SSC5D: variants seen among roughly 807,000 people sequenced by gnomAD.
SSC5D encodes the protein soluble scavenger receptor cysteine-rich domain-containing protein SSC5D.
Under a neutral mutation model 104.6 loss-of-function variants are expected in SSC5D, and 106 were observed. That is an observed-to-expected ratio of 1.01 (90% confidence interval 0.87 to 1.19). The LOEUF (loss-of-function observed/expected upper bound fraction) is 1.19. Ranked by LOEUF, SSC5D falls within the 50% of genes most tolerant of loss-of-function variation. SSC5D has a pLI of 0.00. For synonymous variants in SSC5D, 860 were observed against 883.5 expected (o/e 0.97, Z 0.47); for missense variants, 1,993 against 2,153.8 (o/e 0.93, Z 1.48).
At chr19:55,513,367 T>C (rs969735176) in intron 13 of SSC5D, among the ~76,000 whole-genome samples, 195 bp downstream of exon 13, 1 of 152,084 alleles carries the variant, frequency 6.6e-6, no homozygotes, top group Non-Finnish European at 1.5e-5. Flanking sequence ...GTTGGGAGGA[T>C]TGCTTAAGCT....
At position 55,517,428 on chromosome 19, in the gene SSC5D, C is replaced by A. The variant is rs1223390861; in HGVS notation, c.3152C>A (p.Thr1051Asn). ...TSDAPDTSPP[T>N]PDPASRTNPD... Reference sequence around the variant, plus strand: ...GACGCTCCGGACACTTCACCACCCACCCCAGACCCGGCCTCCCGGACGAAC... The same window carrying A: ...GACGCTCCGGACACTTCACCACCCAACCCAGACCCGGCCTCCCGGACGAAC... Residue 1051 changes from threonine to asparagine, a missense_variant, in exon 14 of 14, where the codon ACC becomes AAC. Thr to Asn is a moderately conservative substitution (Grantham distance 65). Around this residue, in one of 6 missense-constraint regions of SSC5D, gnomAD observed 423 missense variants for 409.2 expected, o/e 1.03. Transcript: ENST00000389623. 4.5e-6 allele frequency: 7 copies of A among 1,551,042 alleles called. No individual in the cohort carries two copies. The highest frequency in any genetic ancestry group is 5.2e-6 in the Non-Finnish European group (6 of 1,146,968).
intron 7 of SSC5D, 73 bp from the exon 8 acceptor site, chr19:55,494,537 G>A (rs1987255161): frequency 5.6e-6 from 8 of 1,417,360 alleles, no homozygotes; most frequent in Admixed American, 5.3e-5. Flanking sequence ...GAAGGATGAC[G>A]CAGGAGGTGG....
At chr19:55,506,456 G>A (rs1484282731) in intron 12 of SSC5D, among the ~76,000 whole-genome samples, 2 of 122,274 alleles carry the variant, frequency 1.6e-5, no homozygotes, top group Middle Eastern at 8.6e-3. Context: ...GTGCAGTGGC[G>A]TGATCTTGTC....
chr19:55,489,531 AG>A lies in SSC5D; in HGVS notation c.235del (p.Ala79GlnfsTer69). On this transcript the variant is annotated frameshift_variant, in exon 3 of 14. Coordinates refer to ENST00000389623, the MANE Select transcript of SSC5D (RefSeq NM_001144950.2). LOFTEE classifies it high-confidence loss of function. ...GCCCCGGGAGGCGCCTTCTTCGGGG[AG>A]GGGGCAGGGCCTGTGTGGCTCAGCG... ...LAAPGGAFFG[E>X]GAGPVWLSEL... The A allele has an allele frequency of 6.8e-7, 1 of 1,468,324 alleles. No homozygotes were observed. The highest frequency in any genetic ancestry group is 9.0e-7 in the Non-Finnish European group (1 of 1,117,264). 91.0% of individuals were successfully genotyped at this position (1,468,324 alleles called of 1,614,324 possible).
In SSC5D at chr19:55,489,369, C is replaced by T. The variant is rs1987059613; in HGVS notation, c.68C>T (p.Ala23Val). ...CAACCCTCAGAGCGCCTGCGCCTGG[C>T]CGATGGCCCCCATGGGTGCGCTGGC... ...GIQAVERLRL[A>V]DGPHGCAGRL... The change falls in exon 3 of 14, where the codon GCC becomes GTC. Residue 23 changes from alanine to valine, a missense_variant. Physicochemically the swap from Ala to Val is moderately conservative, Grantham distance 64. Coordinates refer to ENST00000389623, the MANE Select transcript of SSC5D (RefSeq NM_001144950.2). The T allele has an allele frequency of 2.1e-6, 3 of 1,461,674 alleles. No individual in the cohort carries two copies. Among genetic ancestry groups the T allele is most frequent in the Non-Finnish European group, 2.7e-6 (3 of 1,115,702 alleles). The allele number at this position is 1,461,674 out of a possible 1,614,324, so 90.5% of individuals were successfully genotyped here.
At chr19:55,512,199 C>A (rs1275120041) in intron 12 of SSC5D, among the ~76,000 whole-genome samples, 1 of 129,068 alleles carries the variant, frequency 7.7e-6, no homozygotes, top group East Asian at 2.2e-4. Flanking sequence ...GACTTGGTCT[C>A]AAAAAAAAAA....
intron 12 of SSC5D, among the ~76,000 whole-genome samples, chr19:55,502,667 C>G (rs541346181): frequency 6.6e-6 from 1 of 152,132 alleles, no homozygotes; most frequent in South Asian, 2.1e-4. Context: ...TTCTCTCTCT[C>G]TTTTTTGAGA....
Position 55,497,719 on chromosome 19 carries a change from G to T in SSC5D, c.1388-161G>T, listed in dbSNP as rs528605448. Among the ~76,000 whole-genome samples the T allele has an allele frequency of 4.6e-5, 7 of 152,276 alleles. No homozygotes were observed. The South Asian group carries it at 1.5e-3, about 32-fold the overall frequency. ...TAATGCAGAAAATGGCACAAAAAAG[G>T]CCTCATGAAATACTTGCTGCCTGGA... On this transcript the variant is annotated intron_variant, in intron 8 of 13. Coordinates refer to ENST00000389623, the MANE Select transcript of SSC5D (RefSeq NM_001144950.2).
chr19:55,501,296 G>A, intron 12 of SSC5D, 95 bp downstream of exon 12: 1 of 1,403,616 alleles, frequency 7.1e-7, no homozygotes. Context: ...CAATGAGCTG[G>A]CTGAGGCCTC....
chr19:55,517,767 T>C lies in SSC5D; in HGVS notation c.3491T>C (p.Ile1164Thr), dbSNP rs775364796. ...TPDPTMAPDP[I>T]TTLNPTVTPH... ...GATCCCACCATGGCCCCTGACCCCATCACAACCCTTAACCCTACTGTGACC... is the reference window on the plus strand; with the variant it reads ...GATCCCACCATGGCCCCTGACCCCACCACAACCCTTAACCCTACTGTGACC... The change falls in exon 14 of 14, where the codon ATC (isoleucine) becomes ACC (threonine). Residue 1164 changes from isoleucine (I) to threonine (T), a missense_variant. Transcript: ENST00000389623. 166 of 702,968 alleles carry C rather than the reference T, an allele frequency of 2.4e-4. 1 individual carries two copies. Among genetic ancestry groups the C allele is most frequent in the African/African-American group, 3.0e-5 (1 of 33,266 alleles). 43.5% of individuals were successfully genotyped at this position (702,968 alleles called of 1,614,324 possible). A position where few individuals can be genotyped will look rare whatever the true frequency, so the allele number is the denominator to read the frequency against.
chr19:55,510,741 GTGTTTT>G (rs1987739960), intron 12 of SSC5D, among the ~76,000 whole-genome samples: 1 of 151,954 alleles, frequency 6.6e-6, no homozygotes, highest in Non-Finnish European at 1.5e-5. Flanking sequence ...ACTAATGGTG[GTGTTTT>G]TGTTTTTGTT....
chr19:55,517,595 G>T lies in SSC5D; in HGVS notation c.3319G>T (p.Glu1107Ter). ...ELTSDPSTPS[E>*]VTSLSPTSEQ... Reference sequence around the variant, plus strand: ...GACCTCTGACCCTTCTACACCGTCGGAGGTGACCAGCCTTTCCCCTACCTC... The same window carrying T: ...GACCTCTGACCCTTCTACACCGTCGTAGGTGACCAGCCTTTCCCCTACCTC... Residue 1107 changes from glutamate to a stop codon, truncating the protein, a stop_gained, in exon 14 of 14, where the codon GAG becomes TAG. Transcript: ENST00000389623. LOFTEE classifies it low-confidence loss of function (END_TRUNC). The T allele has an allele frequency of 1.3e-6, 2 of 1,551,510 alleles. No individual in the cohort carries two copies. The highest frequency in any genetic ancestry group is 1.7e-6 in the Non-Finnish European group (2 of 1,147,014).
At chr19:55,514,420 A>C (rs1987823227) in intron 13 of SSC5D, among the ~76,000 whole-genome samples, 1 of 65,750 alleles carries the variant, frequency 1.5e-5, no homozygotes, top group East Asian at 7.7e-4. Flanking sequence ...AATAATAATA[A>C]TAATAATAAT....
intron 7 of SSC5D, 82 bp downstream of exon 7, chr19:55,493,994 G>GCCCCCCCCCCCCCC: frequency 1.4e-5 from 2 of 143,312 alleles, no homozygotes. Context: ...GGGCGGGGGG[G>GCCCCCCCCCCCCCC]TCCCTACGCG....
At position 55,508,354 on chromosome 19, in the gene SSC5D, G is replaced by A. The variant is rs1230642275; in HGVS notation, c.2786-4657G>A. On this transcript the variant is annotated intron_variant, in intron 12 of 13. Coordinates refer to ENST00000389623, the MANE Select transcript of SSC5D (RefSeq NM_001144950.2). Reference sequence around the variant, plus strand: ...AAATATGAGATTAACTTTAGAGGTTGGATGATGATGAGGATAATGGTAGCT... The same window carrying A: ...AAATATGAGATTAACTTTAGAGGTTAGATGATGATGAGGATAATGGTAGCT... 6.6e-5 allele frequency among the ~76,000 whole-genome samples: 10 copies of A among 152,280 alleles called. 1 individual carries two copies. The East Asian group carries it at 1.9e-3, about 29-fold the overall frequency.
At position 55,494,704 on chromosome 19, in the gene SSC5D, G is replaced by C; in HGVS notation, c.1308G>C (p.Thr436=). The part of the protein sequence containing the change: ...EAASRPPSTM[T]SQAPGTAGVS... ...CCTCCAGGCCCCCGTCCACCATGAC[G>C]AGCCAGGCTCCAGGGACGGCAGGCG... is the stretch of plus-strand genomic sequence containing the variant. Residue 436 remains threonine, a synonymous_variant, in exon 8 of 14, where the codon ACG becomes ACC. Coordinates refer to ENST00000389623, the MANE Select transcript of SSC5D (RefSeq NM_001144950.2). The C allele has an allele frequency of 6.4e-7, 1 of 1,550,532 alleles. No individual in the cohort carries two copies. Among genetic ancestry groups the C allele is most frequent in the South Asian group, 1.2e-5 (1 of 84,032 alleles).
chr19:55,515,731 C>A (rs1302474050), intron 13 of SSC5D, among the ~76,000 whole-genome samples: 22 of 142,578 alleles, frequency 1.5e-4, no homozygotes, highest in African/African-American at 2.7e-4. Flanking sequence ...GACTCCGTCT[C>A]AAAAAAAAAA....
chr19:55,490,637 C>T (rs909108161), intron 5 of SSC5D, 135 bp from the exon 6 acceptor site: 11 of 1,073,526 alleles, frequency 1.0e-5, no homozygotes, highest in Middle Eastern at 3.1e-4. Context: ...CGTGGACTCA[C>T]CTCTTCACGG....
In SSC5D at chr19:55,501,218, G is replaced by A. The variant is rs1417665326; in HGVS notation, c.2785+17G>A. On this transcript the variant is annotated intron_variant, in intron 12 of 13. Transcript: ENST00000389623. ...CGGACACAGGTGAGAGGCCTGATTG[G>A]GGTGGCCATGGAGGGCCTCCATAAA... 5 of 1,490,614 alleles carry A rather than the reference G, an allele frequency of 3.4e-6. No homozygotes were observed. Among genetic ancestry groups the A allele is most frequent in the Middle Eastern group, 1.9e-4 (1 of 5,322 alleles). 92.3% of individuals were successfully genotyped at this position (1,490,614 alleles called of 1,614,324 possible). A position where few individuals can be genotyped will look rare whatever the true frequency, so the allele number is the denominator to read the frequency against.
Sources: gnomAD v4.1 joint callset for allele counts (sites outside exome capture counted in the v4.1 genomes callset) on GRCh38, gnomAD v4.1.1 for gene constraint, gnomAD v4.1.1 regional missense constraint, MANE v1.5 for transcripts, NCBI Gene and HGNC (gene_info 2026-07-23, HGNC 2026-07-21) for gene names.